Variants in MMUT observed in about 807,000 individuals in gnomAD.
MMUT encodes the protein methylmalonyl-CoA mutase, also known as methylmalonyl-CoA mutase, mitochondrial.
Under a neutral mutation model 79.9 loss-of-function variants are expected in MMUT, and 79 were observed. That is an observed-to-expected ratio of 0.99 (90% CI 0.82 to 1.19). The LOEUF is 1.19. MMUT is among the 50% of genes most tolerant of loss of function. MMUT has a pLI of 0.00. For synonymous variants in MMUT, 273 were observed against 295.7 expected (o/e 0.92, Z 0.79); for missense variants, 860 against 917.2 (o/e 0.94, Z 0.81).
At chr6:49,446,400 C>A (rs1561954383) in intron 8 of MMUT, among the ~76,000 whole-genome samples, 1 of 151,738 alleles carries the variant, frequency 6.6e-6, no homozygotes, top group Non-Finnish European at 1.5e-5. Context: ...AATAGAAGAA[C>A]TTTGATTTGG....
intron 4 of MMUT, among the ~76,000 whole-genome samples, chr6:49,454,059 T>C (rs1294741854): frequency 6.6e-6 from 1 of 152,180 alleles, no homozygotes; most frequent in African/African-American, 2.4e-5. Context: ...ATTTAAAAAA[T>C]GTATATTTTA....
At position 49,430,677 on chromosome 6, in the gene MMUT, A is replaced by T. The variant is rs968128029; in HGVS notation, c.*1051T>A. 12 of 152,344 alleles carry T rather than the reference A, an allele frequency of 7.9e-5. No individual in the cohort carries two copies. Among genetic ancestry groups the T allele is most frequent in the East Asian group, 1.9e-4 (1 of 5,192 alleles). The allele number at this position is 152,344 out of a possible 1,614,324, so 9.4% of individuals were successfully genotyped here. A position where few individuals can be genotyped will look rare whatever the true frequency, so the allele number is the denominator to read the frequency against. ...TGATCTAATACAATAGAAATTTATT[A>T]AAAAAGATAATTATTTATGTTATAT... On this transcript the variant is annotated 3_prime_UTR_variant, in exon 13 of 13. Coordinates refer to ENST00000274813, the MANE Select transcript of MMUT (RefSeq NM_000255.4).
chr6:49,442,245 C>T (rs1767296132), intron 9 of MMUT, among the ~76,000 whole-genome samples: 1 of 151,920 alleles, frequency 6.6e-6, no homozygotes, highest in South Asian at 2.1e-4. Context: ...TAGACAAGTA[C>T]CTGAAGGTTG....
At position 49,459,061 on chromosome 6, in the gene MMUT, T is replaced by C. The variant is rs754972156; in HGVS notation, c.385+21A>G. 9.3e-6 allele frequency: 15 copies of C among 1,610,168 alleles called. No individual in the cohort carries two copies. The Admixed American group carries it at 1.8e-4, about 20-fold the overall frequency. On this transcript the variant is annotated intron_variant, in intron 2 of 12. Coordinates refer to ENST00000274813, the MANE Select transcript of MMUT (RefSeq NM_000255.4). The stretch of plus-strand genomic sequence containing the variant: ...GGCATATGACTTATCATAAATATTA[T>C]GTCTTACATTAAAATCTCACCCTTA...
rs1064793768 is a variant in MMUT, at chr6:49,459,154, AG to A, written c.312del (p.Trp105GlyfsTer75). The A allele has an allele frequency of 1.9e-6, 3 of 1,614,202 alleles. No individual in the cohort carries two copies. Among genetic ancestry groups the A allele is most frequent in the Admixed American group, 1.7e-5 (1 of 60,026 alleles). On this transcript the variant is annotated frameshift_variant, in exon 2 of 13. Transcript: ENST00000274813. LOFTEE classifies it high-confidence loss of function. Reference protein sequence around the residue: ...GPYPTMYTFRPWTIRQYAGFS... With the variant: ...GPYPTMYTFRXWTIRQYAGFS... Reference sequence around the variant, plus strand: ...AAACCAGCATACTGGCGGATGGTCCAGGGCCTAAAGGTATACATGGTAGGAT... The same window carrying A: ...AAACCAGCATACTGGCGGATGGTCCAGGCCTAAAGGTATACATGGTAGGAT...
chr6:49,452,162 T>G (rs1767571399), intron 5 of MMUT, among the ~76,000 whole-genome samples: 1 of 152,078 alleles, frequency 6.6e-6, no homozygotes, highest in South Asian at 2.1e-4. Flanking sequence ...GAAATTTGAG[T>G]TCTAGTTTAT....
intron 1 of MMUT, among the ~76,000 whole-genome samples, chr6:49,461,423 T>TTACATA (rs2127421154): frequency 6.6e-6 from 1 of 152,226 alleles, no homozygotes; most frequent in East Asian, 1.9e-4. Context: ...TAATTGTAAG[T>TTACATA]GCAACAGGTT....
chr6:49,453,059 T>TTTTTTTTTTTTTTTTTTTTG (rs398048522), intron 5 of MMUT, among the ~76,000 whole-genome samples: 1 of 138,984 alleles, frequency 7.2e-6, no homozygotes, highest in Non-Finnish European at 1.6e-5. Context: ...TTTTTTTTTT[T>TTTTTTTTTTTTTTTTTTTTG]AGACGTAGTT....
At chr6:49,435,677 T>C (rs1767104954) in intron 11 of MMUT, 54 bp from the exon 12 acceptor site, 8 of 1,555,944 alleles carry the variant, frequency 5.1e-6, no homozygotes, top group African/African-American at 1.4e-5. Flanking sequence ...ATAATGACTA[T>C]AAAAACCCTG....
At chr6:49,451,883 T>C (rs1439164623) in intron 5 of MMUT, among the ~76,000 whole-genome samples, 169 bp from the exon 6 acceptor site, 3 of 152,210 alleles carry the variant, frequency 2.0e-5, no homozygotes, top group Middle Eastern at 3.2e-3. Context: ...AAGCCAAAAT[T>C]AGAAGAGTCA....
chr6:49,438,327 TAG>T lies in MMUT; in HGVS notation c.1956+1877_1956+1878del, dbSNP rs531646102. Among the ~76,000 whole-genome samples, 21 of 152,236 alleles carry T rather than the reference TAG, an allele frequency of 1.4e-4. 1 individual carries two copies. In the East Asian group the frequency reaches 4.1e-3, roughly 29 times the overall value. On this transcript the variant is annotated intron_variant, in intron 11 of 12. Coordinates refer to ENST00000274813, the MANE Select transcript of MMUT (RefSeq NM_000255.4). Reference sequence around the variant, plus strand: ...ATTCTGTGACTAAGTAACATATTAGTAGAGAGTTAAAAAAAGACAACAAAAAT... The same window carrying T: ...ATTCTGTGACTAAGTAACATATTAGTAGAGTTAAAAAAAGACAACAAAAAT...
At chr6:49,448,709 C>A (rs968877583) in intron 7 of MMUT, 107 bp downstream of exon 7, 1 of 940,732 alleles carries the variant, frequency 1.1e-6, no homozygotes, top group Admixed American at 1.9e-5. Context: ...TACCCAAGTT[C>A]CATTTTTCAT....
Position 49,459,294 on chromosome 6 carries a change from T to G in MMUT, c.173A>C (p.Asp58Ala), listed in dbSNP as rs775206518. The G allele has an allele frequency of 6.2e-7, 1 of 1,614,112 alleles. No homozygotes were observed. Among genetic ancestry groups the G allele is most frequent in the Non-Finnish European group, 8.5e-7 (1 of 1,180,014 alleles). Residue 58 changes from aspartate (D) to alanine (A), a missense_variant, in exon 2 of 13, where the codon GAC (aspartate) becomes GCC (alanine). Transcript: ENST00000274813. ...KKQLKGKNPE[D>A]LIWHTPEGIS... ...CCCTTCCGGGGTGTGCCATATTAGG[T>G]CTTCTGGGTTTTTGCCTTTCAGCTG...
intron 12 of MMUT, among the ~76,000 whole-genome samples, chr6:49,432,552 T>A (rs1767008195): frequency 1.3e-5 from 2 of 152,120 alleles, no homozygotes; most frequent in African/African-American, 4.8e-5. Flanking sequence ...CATGCCCGGC[T>A]AATTTTTTGT....
intron 4 of MMUT, among the ~76,000 whole-genome samples, chr6:49,454,944 C>T (rs1156683589): frequency 6.6e-6 from 1 of 151,884 alleles, no homozygotes; most frequent in Non-Finnish European, 1.5e-5. Context: ...TACTTGGGAG[C>T]CTGAGGTGGG....
chr6:49,443,917 G>C (rs1408718797), intron 9 of MMUT: 2 of 291,542 alleles, frequency 6.9e-6, no homozygotes, highest in Non-Finnish European at 1.4e-5. Context: ...GGGTTACAAA[G>C]GCAAAACGTC....
intron 11 of MMUT, among the ~76,000 whole-genome samples, 167 bp downstream of exon 11, chr6:49,440,039 G>T (rs780090151): frequency 1.2e-4 from 19 of 152,224 alleles, no homozygotes; most frequent in Middle Eastern, 3.2e-3. Context: ...CTTCTGGTGG[G>T]CCTTATGGGC....
At chr6:49,450,007 T>G (rs1767508491) in intron 6 of MMUT, among the ~76,000 whole-genome samples, 1 of 151,410 alleles carries the variant, frequency 6.6e-6, no homozygotes, top group African/African-American at 2.4e-5. Context: ...CCAAGGTGAG[T>G]GGATCACGAG....
chr6:49,434,955 C>T (rs1387517561), intron 12 of MMUT, among the ~76,000 whole-genome samples: 1 of 152,104 alleles, frequency 6.6e-6, no homozygotes, highest in Non-Finnish European at 1.5e-5. Flanking sequence ...GGTAAGATAA[C>T]ATTTAGGGAT....
Sources: gnomAD v4.1 joint callset for allele counts (sites outside exome capture counted in the v4.1 genomes callset) on GRCh38, gnomAD v4.1.1 for gene constraint, MANE v1.5 for transcripts, NCBI Gene and HGNC (gene_info 2026-07-23, HGNC 2026-07-21) for gene names.